The following CDKAL1 variants were observed in gnomAD, a reference collection of about 807,000 sequenced individuals.
CDKAL1 encodes CDKAL1 threonylcarbamoyladenosine tRNA methylthiotransferase.
Under a neutral mutation model 68.2 loss-of-function variants are expected in CDKAL1, and 32 were observed. The observed-to-expected ratio is 0.47, with a 90% confidence interval of 0.35 to 0.63. CDKAL1 has a LOEUF of 0.63. Ranked by LOEUF, CDKAL1 falls within the 30% of genes least tolerant of loss-of-function variation. The probability of loss-of-function intolerance (pLI) is 0.00; values close to 1 mark genes in which losing one functional copy is unlikely to be tolerated. For synonymous variants in CDKAL1, 234 were observed against 244.3 expected (o/e 0.96, Z 0.39); for missense variants, 606 against 696.7 (o/e 0.87, Z 1.47).
intron 4 of CDKAL1, among the ~76,000 whole-genome samples, chr6:20,639,052 C>A (rs552213171): frequency 9.2e-4 from 140 of 152,236 alleles, no homozygotes; most frequent in African/African-American, 3.1e-3. Context: ...GTAAGTACAA[C>A]GTCTGTCTTG....
chr6:21,228,129 T>C (rs918711979), intron 15 of CDKAL1, among the ~76,000 whole-genome samples: 1 of 152,188 alleles, frequency 6.6e-6, no homozygotes, highest in African/African-American at 2.4e-5. Context: ...GGATTTTCCC[T>C]GAAGCTCGTG....
At chr6:20,660,609 G>A (rs528124433) in intron 5 of CDKAL1, among the ~76,000 whole-genome samples, 9 of 152,240 alleles carry the variant, frequency 5.9e-5, no homozygotes, top group African/African-American at 1.7e-4. Flanking sequence ...AATGAGCTCC[G>A]GGCCAGCTTC....
intron 13 of CDKAL1, among the ~76,000 whole-genome samples, chr6:21,176,056 G>A (rs1276157514): frequency 6.6e-6 from 1 of 152,230 alleles, no homozygotes; most frequent in African/African-American, 2.4e-5. Flanking sequence ...TCCTCATGAA[G>A]AGATCTCTAC....
At chr6:21,069,770 C>CTTTTTTTTTTTTTTTTTTTTTTTTTTTT (rs1771654458) in intron 12 of CDKAL1, among the ~76,000 whole-genome samples, 1 of 42,254 alleles carries the variant, frequency 2.4e-5, no homozygotes, top group Non-Finnish European at 5.8e-5. Context: ...CCCAGATTTT[C>CTTTTTTTTTTTTTTTTTTTTTTTTTTTT]TTTCTTTTTT....
intron 9 of CDKAL1, among the ~76,000 whole-genome samples, chr6:20,904,505 G>T (rs1226219698): frequency 1.3e-5 from 2 of 151,992 alleles, no homozygotes; most frequent in Non-Finnish European, 2.9e-5. Context: ...GTCACTACAT[G>T]TGGGTCTGGC....
At chr6:21,123,919 C>T (rs1198593102) in intron 13 of CDKAL1, among the ~76,000 whole-genome samples, 1 of 152,198 alleles carries the variant, frequency 6.6e-6, no homozygotes, top group African/African-American at 2.4e-5. Flanking sequence ...TTAGTGCCCC[C>T]CAAAGGTCAG....
At chr6:20,662,725 G>A (rs750218833) in intron 5 of CDKAL1, among the ~76,000 whole-genome samples, 7 of 152,136 alleles carry the variant, frequency 4.6e-5, no homozygotes, top group Non-Finnish European at 8.8e-5. Flanking sequence ...TCATATGTAT[G>A]TTTCCTTTGC....
At chr6:21,044,109 A>G (rs962450959) in intron 11 of CDKAL1, among the ~76,000 whole-genome samples, 2 of 152,024 alleles carry the variant, frequency 1.3e-5, no homozygotes, top group East Asian at 1.9e-4. Context: ...GTACCCAAAA[A>G]CCTCTGTAGT....
At chr6:20,875,543 AG>A (rs1224161736) in intron 9 of CDKAL1, among the ~76,000 whole-genome samples, 7 of 152,126 alleles carry the variant, frequency 4.6e-5, no homozygotes, top group East Asian at 1.9e-4. Context: ...AGATGTGGGG[AG>A]GGGGGTTGGA....
intron 2 of CDKAL1, among the ~76,000 whole-genome samples, chr6:20,545,662 C>T (rs890033645): frequency 4.6e-5 from 7 of 152,142 alleles, no homozygotes; most frequent in Non-Finnish European, 8.8e-5. Context: ...TCTCAAACGC[C>T]TGACCTCAAG....
intron 6 of CDKAL1, among the ~76,000 whole-genome samples, chr6:20,747,236 A>C (rs139706152): frequency 5.0e-4 from 76 of 152,336 alleles, no homozygotes; most frequent in Middle Eastern, 6.8e-3. Flanking sequence ...TTATTCATTC[A>C]TCCATCGATG....
intron 11 of CDKAL1, among the ~76,000 whole-genome samples, chr6:21,011,106 C>A (rs574781700): frequency 1.9e-4 from 28 of 144,534 alleles, no homozygotes; most frequent in African/African-American, 7.2e-4. Context: ...AAGCCAGGCA[C>A]GGTGGCTTAC....
chr6:20,709,325 A>G (rs1453115462), intron 5 of CDKAL1, among the ~76,000 whole-genome samples: 1 of 152,088 alleles, frequency 6.6e-6, no homozygotes, highest in Non-Finnish European at 1.5e-5. Context: ...TAGATTGAGC[A>G]TCCCTAACCC....
At chr6:20,771,333 A>T (rs1774932158) in intron 7 of CDKAL1, among the ~76,000 whole-genome samples, 1 of 152,222 alleles carries the variant, frequency 6.6e-6, no homozygotes, top group South Asian at 2.1e-4. Context: ...AATTTGAAGC[A>T]AAGTGAGCTC....
chr6:20,598,968 TAA>T lies in CDKAL1; in HGVS notation c.286+50266_286+50267del, dbSNP rs1247072956. Among the ~76,000 whole-genome samples the T allele has an allele frequency of 4.6e-5, 7 of 152,204 alleles. No individual in the cohort carries two copies. In the East Asian group the frequency reaches 1.2e-3, roughly 25 times the overall value. ...TTATTTTAAATTTCTAAAGTTAATATAAAAGTCTTTTCTGCTACTGTGGTGTA... is the reference window on the plus strand; with the variant it reads ...TTATTTTAAATTTCTAAAGTTAATATAAGTCTTTTCTGCTACTGTGGTGTA... On this transcript the variant is annotated intron_variant, in intron 4 of 15. Coordinates refer to ENST00000274695, the MANE Select transcript of CDKAL1 (RefSeq NM_017774.3).
intron 9 of CDKAL1, among the ~76,000 whole-genome samples, chr6:20,923,235 G>C (rs780432442): frequency 3.2e-4 from 49 of 152,102 alleles, no homozygotes; most frequent in Admixed American, 5.9e-4. Flanking sequence ...TATAACTCTT[G>C]GGTACAGGTA....
chr6:20,899,919 A>C (rs930066878), intron 9 of CDKAL1, among the ~76,000 whole-genome samples: 38 of 152,354 alleles, frequency 2.5e-4, no homozygotes, highest in African/African-American at 8.7e-4. Flanking sequence ...CTGATGAGGA[A>C]ACTAAGGCAA....
chr6:20,737,079 A>G (rs1402900697), intron 5 of CDKAL1, among the ~76,000 whole-genome samples: 2 of 152,208 alleles, frequency 1.3e-5, no homozygotes, highest in Non-Finnish European at 2.9e-5. Context: ...AATTATTTCT[A>G]TTAATATAAT....
At chr6:20,595,498 T>C (rs759020833) in intron 4 of CDKAL1, among the ~76,000 whole-genome samples, 1 of 152,148 alleles carries the variant, frequency 6.6e-6, no homozygotes. Context: ...CTTGAAATTC[T>C]CATGCTGTGT....
Sources: allele counts gnomAD v4.1 joint callset (sites outside exome capture counted in the v4.1 genomes callset), GRCh38; gene constraint gnomAD v4.1.1; transcripts MANE v1.5; gene names NCBI Gene and HGNC (gene_info 2026-07-23, HGNC 2026-07-21).